Variants in NYX observed in about 807,000 individuals in gnomAD.
NYX encodes the protein nyctalopin, also known as leucine-rich repeat protein.
For synonymous variants in NYX, 258 were observed against 245.7 expected, an observed-to-expected ratio of 1.05 and a Z score of -0.47; for missense variants, 481 against 485.4, an observed-to-expected ratio of 0.99 and a Z score of 0.09.
Position 41,475,327 on chromosome X carries a change from G to T in NYX, c.*428G>T, listed in dbSNP as rs1383930508. The T allele has an allele frequency of 6.4e-6, 1 of 155,526 alleles. No individual in the cohort carries two copies. Among genetic ancestry groups the T allele is most frequent in the Admixed American group, 7.7e-5 (1 of 13,061 alleles). The allele number at this position is 155,526 out of a possible 1,213,427, so 12.8% of individuals were successfully genotyped here. A position where few individuals can be genotyped will look rare whatever the true frequency, so the allele number is the denominator to read the frequency against. ...GTAACCCATTACACCGAAGTCCTTT[G>T]TTTTCTACCACAATCCTCCTCCTCC... On this transcript the variant is annotated 3_prime_UTR_variant, in exon 3 of 3. Coordinates refer to ENST00000378220, the MANE Select transcript of NYX (RefSeq NM_001378477.3).
At position 41,454,146 on chromosome X, in the gene NYX, T is replaced by C. The variant is rs572981411; in HGVS notation, c.22+6220T>C. Among the ~76,000 whole-genome samples, 9 of 111,917 alleles carry C rather than the reference T, an allele frequency of 8.0e-5. No homozygotes were observed. In the South Asian group the frequency reaches 3.4e-3, roughly 42 times the overall value. On this transcript the variant is annotated intron_variant, in intron 2 of 2. Coordinates refer to ENST00000378220, the MANE Select transcript of NYX (RefSeq NM_001378477.3). ...ATTCTGATGTAATTGATCTGATGTA[T>C]GGCCTGGGCACTGTGAGTTTTCAAA...
chrX:41,475,056 C>T lies in NYX; in HGVS notation c.*157C>T, dbSNP rs1057515884. 6.0e-6 allele frequency: 3 copies of T among 498,754 alleles called. No homozygotes were observed. The highest frequency in any genetic ancestry group is 2.3e-5 in the African/African-American group (1 of 42,912). 41.1% of individuals were successfully genotyped at this position (498,754 alleles called of 1,213,427 possible). On this transcript the variant is annotated 3_prime_UTR_variant, in exon 3 of 3. Transcript: ENST00000378220. Reference sequence around the variant, plus strand: ...GCCCCAGGGAGAACACAGGGACGTGCCACTCGAGGGGGAGGATGGTATGGA... The same window carrying T: ...GCCCCAGGGAGAACACAGGGACGTGTCACTCGAGGGGGAGGATGGTATGGA...
At chrX:41,467,279 C>G (rs916590217) in intron 2 of NYX, among the ~76,000 whole-genome samples, 1 of 110,424 alleles carries the variant, frequency 9.1e-6, no homozygotes, top group Non-Finnish European at 1.9e-5. Flanking sequence ...TGTACTTAGT[C>G]TTTATACTGA....
chrX:41,450,720 A>G (rs1241554731), intron 2 of NYX, among the ~76,000 whole-genome samples: 1 of 100,831 alleles, frequency 9.9e-6, no homozygotes, highest in Non-Finnish European at 2.0e-5. Flanking sequence ...ATCTCGACTC[A>G]CTGCAACCTC....
intron 2 of NYX, among the ~76,000 whole-genome samples, chrX:41,448,399 C>T (rs776536968): frequency 6.5e-5 from 7 of 108,105 alleles, no homozygotes; most frequent in African/African-American, 2.4e-4. Context: ...CCCGCCACCA[C>T]GCCTGGCTAA....
At chrX:41,463,221 C>A (rs2064326291) in intron 2 of NYX, among the ~76,000 whole-genome samples, 2 of 111,614 alleles carry the variant, frequency 1.8e-5, no homozygotes, top group East Asian at 5.6e-4. Context: ...TTGTCGTGGT[C>A]TACCTTGAAT....
chrX:41,474,234 C>T lies in NYX; in HGVS notation c.766C>T (p.Leu256=). 5 of 1,199,902 alleles carry T rather than the reference C, an allele frequency of 4.2e-6. No homozygotes were observed. The highest frequency in any genetic ancestry group is 5.6e-6 in the Non-Finnish European group (5 of 893,839). The change falls in exon 3 of 3, where the codon CTG becomes TTG. Residue 256 remains leucine (L), a synonymous_variant. Coordinates refer to ENST00000378220, the MANE Select transcript of NYX (RefSeq NM_001378477.3). ...RGLRRLRTLN[L]GGNALDRVAR... is the part of the protein sequence containing the mutation. ...CCTGCGGCGCCTGCGCACGCTCAAC[C>T]TGGGTGGCAACGCGCTGGACCGCGT...
At chrX:41,471,877 AG>A (rs777798670) in intron 2 of NYX, among the ~76,000 whole-genome samples, 5 of 106,918 alleles carry the variant, frequency 4.7e-5, no homozygotes, top group Non-Finnish European at 9.6e-5. Context: ...CTTTAGCAAG[AG>A]GGGAGCACTG....
Position 41,473,843 on chromosome X carries a change from CT to C in NYX, c.377del (p.Phe126SerfsTer10). Reference protein sequence around the residue: ...GDLRYLHARTFAALSRLRRLD... With the variant: ...GDLRYLHARTXAALSRLRRLD... ...ACCTGCGCTACCTGCACGCGCGCAC[CT>C]TCGCGGCGCTCAGCCGCCTGCGCCG... is the stretch of plus-strand genomic sequence containing the variant. On this transcript the variant is annotated frameshift_variant, in exon 3 of 3. Transcript: ENST00000378220. LOFTEE classifies it low-confidence loss of function (END_TRUNC). 9.1e-7 allele frequency: 1 copy of C among 1,103,426 alleles called. No homozygotes were observed. Among genetic ancestry groups the C allele is most frequent in the Admixed American group, 3.2e-5 (1 of 31,107 alleles). 90.9% of individuals were successfully genotyped at this position (1,103,426 alleles called of 1,213,427 possible). A position where few individuals can be genotyped will look rare whatever the true frequency, so the allele number is the denominator to read the frequency against.
At chrX:41,453,462 T>C (rs762657167) in intron 2 of NYX, among the ~76,000 whole-genome samples, 10 of 107,340 alleles carry the variant, frequency 9.3e-5, no homozygotes, top group East Asian at 8.5e-4. Flanking sequence ...TCTTCTTCTT[T>C]TTTTTTTTTT....
chrX:41,453,594 T>C lies in NYX; in HGVS notation c.22+5668T>C, dbSNP rs754727024. The stretch of plus-strand genomic sequence containing the variant: ...CCTCAGCCTCCCGAGTAGCTGGGAC[T>C]ACAGGCATGCACCACCATGCCCAGC... On this transcript the variant is annotated intron_variant, in intron 2 of 2. Transcript: ENST00000378220. Among the ~76,000 whole-genome samples, 7 of 110,154 alleles carry C rather than the reference T, an allele frequency of 6.4e-5. No homozygotes were observed. In the East Asian group the frequency reaches 2.0e-3, roughly 31 times the overall value.
At chrX:41,448,419 T>A (rs1335662437) in intron 2 of NYX, among the ~76,000 whole-genome samples, 1 of 108,765 alleles carries the variant, frequency 9.2e-6, no homozygotes, top group Non-Finnish European at 1.9e-5. Flanking sequence ...ATTTTTTGTA[T>A]TTTTAGTAGA....
intron 2 of NYX, chrX:41,472,685 G>A (rs2064366616): frequency 5.5e-6 from 2 of 365,353 alleles, no homozygotes; most frequent in African/African-American, 2.5e-5. Flanking sequence ...TACTGTGCGC[G>A]CCCCCACTTC....
intron 2 of NYX, among the ~76,000 whole-genome samples, chrX:41,449,015 T>C (rs920750208): frequency 1.8e-4 from 20 of 112,371 alleles, no homozygotes; most frequent in African/African-American, 6.5e-4. Context: ...TTTCTCGCTC[T>C]GTTATGTGCA....
rs746657791 is a variant in NYX at position 41,472,790 on chromosome X, A to AATTT, written c.23-680_23-677dup. 7.6e-5 allele frequency: 18 copies of AATTT among 236,210 alleles called. No homozygotes were observed. In the South Asian group the frequency reaches 7.9e-4, roughly 10 times the overall value. The allele number at this position is 236,210 out of a possible 1,213,427, so 19.5% of individuals were successfully genotyped here. On this transcript the variant is annotated intron_variant, in intron 2 of 2. Coordinates refer to ENST00000378220, the MANE Select transcript of NYX (RefSeq NM_001378477.3). ...GCCACCAACCCACGTGTCACGGGCA[A>AATTT]ATTTATTTATTTATTTATTTATTTT...
intron 2 of NYX, among the ~76,000 whole-genome samples, chrX:41,470,962 GGCT>G (rs979394588): frequency 2.7e-5 from 3 of 110,899 alleles, no homozygotes; most frequent in Admixed American, 2.0e-4. Context: ...CTGAGGGTGG[GGCT>G]GCTATTTCTC....
rs1168575983 is a variant in NYX, at chrX:41,475,216, T to A, written c.*317T>A. ...CCCCTCCCCTCCCCTTCCCCTCATC[T>A]TCCAGGCAACAGTGCCTGCAAGGCC... On this transcript the variant is annotated 3_prime_UTR_variant, in exon 3 of 3. Transcript: ENST00000378220. 1.4e-5 allele frequency: 5 copies of A among 345,118 alleles called. No homozygotes were observed. The South Asian group carries it at 1.7e-4, about 12-fold the overall frequency. 28.4% of individuals were successfully genotyped at this position (345,118 alleles called of 1,213,427 possible). A position where few individuals can be genotyped will look rare whatever the true frequency, so the allele number is the denominator to read the frequency against.
intron 2 of NYX, among the ~76,000 whole-genome samples, chrX:41,453,766 T>G (rs982869123): frequency 1.8e-5 from 2 of 112,626 alleles, no homozygotes; most frequent in African/African-American, 6.4e-5. Flanking sequence ...TTCATTCCTT[T>G]TTAAGGCCAA....
Position 41,475,046 on chromosome X carries a change from CAG to C in NYX, c.*148_*149del, listed in dbSNP as rs753101555. On this transcript the variant is annotated 3_prime_UTR_variant, in exon 3 of 3. Transcript: ENST00000378220. ...TCCAGAGATGGCCCCAGGGAGAACA[CAG>C]GGACGTGCCACTCGAGGGGGAGGAT... 1.9e-6 allele frequency: 1 copy of C among 520,888 alleles called. No individual in the cohort carries two copies. Among genetic ancestry groups the C allele is most frequent in the Non-Finnish European group, 3.3e-6 (1 of 301,981 alleles). The allele number at this position is 520,888 out of a possible 1,213,427, so 42.9% of individuals were successfully genotyped here.
Sources: allele counts gnomAD v4.1 joint callset (sites outside exome capture counted in the v4.1 genomes callset), GRCh38; gene constraint gnomAD v4.1.1; transcripts MANE v1.5; gene names NCBI Gene and HGNC (gene_info 2026-07-23, HGNC 2026-07-21).